Variants in RAD21 observed in about 807,000 individuals in gnomAD.
RAD21 encodes the protein double-strand-break repair protein rad21 homolog.
RAD21 carries 18 observed loss-of-function variants against 71.5 expected under a neutral mutation model. That is an observed-to-expected ratio of 0.25 (90% CI 0.17 to 0.37). RAD21 has a LOEUF of 0.37. Ranked by LOEUF, RAD21 falls within the 10% of genes least tolerant of loss-of-function variation. RAD21 has a pLI of 1.00. For missense variants in RAD21, 493 were observed against 769.1 expected, an observed-to-expected ratio of 0.64 and a Z score of 4.25; for synonymous variants, 248 against 254.0, an observed-to-expected ratio of 0.98 and a Z score of 0.22.
chr8:116,871,915 G>A (rs1440614502), intron 1 of RAD21, among the ~76,000 whole-genome samples: 1 of 152,192 alleles, frequency 6.6e-6, no homozygotes, highest in Non-Finnish European at 1.5e-5. Flanking sequence ...TGCCTTGCCA[G>A]AGCAGAACAG....
intron 1 of RAD21, among the ~76,000 whole-genome samples, chr8:116,871,212 AG>A (rs1812816664): frequency 6.6e-6 from 1 of 152,206 alleles, no homozygotes; most frequent in Admixed American, 6.5e-5. Context: ...TCTTTAAAAA[AG>A]TCGATTAATC....
intron 3 of RAD21, among the ~76,000 whole-genome samples, 180 bp from the exon 4 acceptor site, chr8:116,862,120 C>T (rs1394907713): frequency 6.6e-6 from 1 of 152,066 alleles, no homozygotes; most frequent in East Asian, 1.9e-4. Context: ...GTATTCCTTG[C>T]TTTAGGAAAA....
At chr8:116,872,565 C>CACAT (rs373042389) in intron 1 of RAD21, among the ~76,000 whole-genome samples, 3,051 of 148,770 alleles carry the variant, frequency 0.021, 57 homozygotes, top group Middle Eastern at 0.062. Flanking sequence ...CACACACACA[C>CACAT]ATATTTTAAC....
In RAD21 at chr8:116,866,745, T is replaced by C; in HGVS notation, c.-16A>G. On this transcript the variant is annotated 5_prime_UTR_variant, in exon 2 of 14. Coordinates refer to ENST00000297338, the MANE Select transcript of RAD21 (RefSeq NM_006265.3). The stretch of plus-strand genomic sequence containing the variant: ...CGTAGAACATTGTTCTGGCTGGCTA[T>C]GAAAACAGAAGAAAACCTAAGAGGG... 6.3e-7 allele frequency: 1 copy of C among 1,583,448 alleles called. No homozygotes were observed. The highest frequency in any genetic ancestry group is 8.6e-7 in the Non-Finnish European group (1 of 1,166,254).
chr8:116,861,238 G>A (rs1812586531), intron 4 of RAD21, among the ~76,000 whole-genome samples: 1 of 151,888 alleles, frequency 6.6e-6, no homozygotes, highest in Non-Finnish European at 1.5e-5. Context: ...ATGCTAATAA[G>A]TCACTTGGAA....
chr8:116,850,690 T>C lies in RAD21; in HGVS notation c.1548A>G (p.Ile516Met), dbSNP rs758184655. The C allele has an allele frequency of 6.2e-7, 1 of 1,613,414 alleles. No homozygotes were observed. The highest frequency in any genetic ancestry group is 8.5e-7 in the Non-Finnish European group (1 of 1,179,426). Reference sequence around the variant, plus strand: ...TTTCTGGCAGAAGTTCTAACTCTGGTATTAGCTGACAGATATTTGGAGGTT... The same window carrying C: ...TTTCTGGCAGAAGTTCTAACTCTGGCATTAGCTGACAGATATTTGGAGGTT... ...PEEPPNICQL[I>M]PELELLPEKE... is the part of the protein sequence containing the mutation. The change falls in exon 12 of 14, where the codon ATA (isoleucine) becomes ATG (methionine). Residue 516 changes from isoleucine to methionine, a missense_variant. Transcript: ENST00000297338.
At chr8:116,855,159 T>C (rs1412743684) in intron 8 of RAD21, among the ~76,000 whole-genome samples, 5 of 152,166 alleles carry the variant, frequency 3.3e-5, no homozygotes, top group Admixed American at 1.3e-4. Flanking sequence ...AAAAAGATGT[T>C]ACACAGTGAG....
In RAD21 at chr8:116,852,317, T is replaced by G; in HGVS notation, c.1322-221A>C. ...AGGACAAGTCCTACCCTCAGTACAA[T>G]GTAGGACAATTCTTTAGCAGACTAT... On this transcript the variant is annotated intron_variant, in intron 10 of 13. Transcript: ENST00000297338. 3 of 633,876 alleles carry G rather than the reference T, an allele frequency of 4.7e-6. No individual in the cohort carries two copies. In the South Asian group the frequency reaches 7.7e-5, roughly 16 times the overall value. 39.3% of individuals were successfully genotyped at this position (633,876 alleles called of 1,614,324 possible).
At chr8:116,852,373 TG>T in intron 10 of RAD21, 175 bp downstream of exon 10, 1 of 747,800 alleles carries the variant, frequency 1.3e-6, no homozygotes, top group Non-Finnish European at 2.1e-6. Context: ...CTTAAAACTC[TG>T]GAAAGACAGG....
At chr8:116,857,546 G>A (rs1022869073) in intron 5 of RAD21, 73 bp from the exon 6 acceptor site, 1 of 1,203,400 alleles carries the variant, frequency 8.3e-7, no homozygotes, top group South Asian at 1.4e-5. Context: ...AACTGCTAAT[G>A]ATTTATTCTA....
rs11377350 is a variant in RAD21, at chr8:116,850,304, G to GT, written c.1620+313dup. On this transcript the variant is annotated intron_variant, in intron 12 of 13. Transcript: ENST00000297338. ...ATATCAGAAGCAGACAATAACAGCA[G>GT]TAAGAATCGTCCACTGACCACAAGA... is the stretch of plus-strand genomic sequence containing the variant. 0.031 allele frequency among the ~76,000 whole-genome samples: 4,648 copies of GT among 152,222 alleles called. 95 individuals are homozygous for GT. Among genetic ancestry groups the GT allele is most frequent in the Middle Eastern group, 0.078 (23 of 294 alleles).
chr8:116,852,192 A>G (rs988963272), intron 10 of RAD21, 96 bp from the exon 11 acceptor site: 34 of 1,141,186 alleles, frequency 3.0e-5, no homozygotes, highest in Non-Finnish European at 4.0e-5. Flanking sequence ...TAAGACATAC[A>G]TAATGCTTTC....
Position 116,859,844 on chromosome 8 carries a change from A to C in RAD21, c.375-1386T>G, listed in dbSNP as rs17426117. Among the ~76,000 whole-genome samples the C allele has an allele frequency of 2.9e-3, 435 of 152,322 alleles. 1 individual carries two copies. The highest frequency in any genetic ancestry group is 0.01 in the African/African-American group (421 of 41,560). ...AAGCTTGGTGAAGAAGGCATGCCTA[A>C]GCTGATTTAGGCTAAAAGCTAGGCC... On this transcript the variant is annotated intron_variant, in intron 4 of 13. Transcript: ENST00000297338.
chr8:116,874,418 G>A (rs1393103765), intron 1 of RAD21, 193 bp downstream of exon 1: 3 of 191,070 alleles, frequency 1.6e-5, no homozygotes, highest in African/African-American at 2.4e-5. Flanking sequence ...GGGCGGGCCC[G>A]GGGCGAAGGG....
chr8:116,865,875 A>T (rs1812679770), intron 2 of RAD21, among the ~76,000 whole-genome samples: 2 of 152,058 alleles, frequency 1.3e-5, no homozygotes. Context: ...CACACAGATA[A>T]TCTTCCCCAC....
At chr8:116,853,142 A>T (rs970866729) in intron 9 of RAD21, among the ~76,000 whole-genome samples, 1 of 152,100 alleles carries the variant, frequency 6.6e-6, no homozygotes, top group Non-Finnish European at 1.5e-5. Flanking sequence ...GCAGTGGCAC[A>T]ATCTCAGCTC....
chr8:116,856,423 T>C (rs1262464641), intron 7 of RAD21, 135 bp from the exon 8 acceptor site: 1 of 1,296,092 alleles, frequency 7.7e-7, no homozygotes, highest in African/African-American at 1.6e-5. Flanking sequence ...AATATTTTTC[T>C]AGTTAATGGG....
chr8:116,852,926 T>C (rs1344679839), intron 9 of RAD21, among the ~76,000 whole-genome samples: 1 of 152,154 alleles, frequency 6.6e-6, no homozygotes, highest in African/African-American at 2.4e-5. Flanking sequence ...AAAAACTGTA[T>C]CCATTATCTC....
intron 12 of RAD21, among the ~76,000 whole-genome samples, chr8:116,849,739 C>G (rs563355198): frequency 6.6e-6 from 1 of 152,274 alleles, no homozygotes; most frequent in African/African-American, 2.4e-5. Flanking sequence ...ACAACTAAGT[C>G]TGAGATAATG....
Sources: gnomAD v4.1 joint callset for allele counts (sites outside exome capture counted in the v4.1 genomes callset) on GRCh38, gnomAD v4.1.1 for gene constraint, MANE v1.5 for transcripts, NCBI Gene and HGNC (gene_info 2026-07-23, HGNC 2026-07-21) for gene names.